ERN1: variants seen among roughly 807,000 people sequenced by gnomAD.
ERN1 encodes the protein endoplasmic reticulum to nucleus signaling 1, also known as serine/threonine-protein kinase/endoribonuclease IRE1.
In ERN1, 39 loss-of-function variants were observed where a neutral mutation model predicts 113.1. The observed-to-expected ratio is 0.34, with a 90% CI of 0.27 to 0.45. ERN1 has a LOEUF of 0.45. Ranked by LOEUF, ERN1 falls within the 20% of genes least tolerant of loss-of-function variation. The probability of loss-of-function intolerance (pLI) is 1.00; values close to 1 mark genes in which losing one functional copy is unlikely to be tolerated. For missense variants in ERN1, 976 were observed against 1,274.8 expected (o/e 0.77, Z 3.57); for synonymous variants, 507 against 515.9 (o/e 0.98, Z 0.23).
Position 64,055,794 on chromosome 17 carries a change from G to A in ERN1, c.1553C>T (p.Ser518Leu). Residue 518 changes from serine (S) to leucine (L), a missense_variant, in exon 13 of 22, where the codon TCA (serine) becomes TTA (leucine). Around this residue, in one of 5 missense-constraint regions of ERN1, gnomAD observed 112 missense variants for 106.2 expected, o/e 1.05. Transcript: ENST00000433197. ...GELLDTSGPY[S>L]ESSGTSSPST... ...GGGGCTGCTGGTGCCCGAGCTCTCTGAGTACGGGCCAGACGTGTCCAGGAG... is the reference window on the plus strand; with the variant it reads ...GGGGCTGCTGGTGCCCGAGCTCTCTAAGTACGGGCCAGACGTGTCCAGGAG... The A allele has an allele frequency of 1.3e-6, 2 of 1,592,918 alleles. No homozygotes were observed. Among genetic ancestry groups the A allele is most frequent in the Non-Finnish European group, 8.5e-7 (1 of 1,170,090 alleles).
chr17:64,113,744 C>T (rs1219765275), intron 1 of ERN1, among the ~76,000 whole-genome samples: 3 of 152,028 alleles, frequency 2.0e-5, no homozygotes, highest in African/African-American at 7.2e-5. Context: ...AGTGCAGTGG[C>T]GTGATCTCGG....
At chr17:64,052,195 T>C (rs1204496344) in intron 17 of ERN1, among the ~76,000 whole-genome samples, 1 of 152,054 alleles carries the variant, frequency 6.6e-6, no homozygotes, top group African/African-American at 2.4e-5. Flanking sequence ...TTCTAAAAAA[T>C]TTTTTTCTTT....
chr17:64,121,805 T>A (rs1207084231), intron 1 of ERN1, among the ~76,000 whole-genome samples: 1 of 152,148 alleles, frequency 6.6e-6, no homozygotes, highest in Non-Finnish European at 1.5e-5. Context: ...TTTTAATCCC[T>A]ACTCTCTCCA....
chr17:64,056,142 A>T (rs1380770097), intron 12 of ERN1, among the ~76,000 whole-genome samples, 194 bp from the exon 13 acceptor site: 1 of 152,180 alleles, frequency 6.6e-6, no homozygotes, highest in East Asian at 1.9e-4. Context: ...CCGACTAGTT[A>T]GATCCTTGCT....
At chr17:64,117,850 T>C (rs907301097) in intron 1 of ERN1, among the ~76,000 whole-genome samples, 54 of 152,210 alleles carry the variant, frequency 3.5e-4, no homozygotes, top group African/African-American at 1.3e-3. Flanking sequence ...TCACATTCTA[T>C]ATAATGTATT....
chr17:64,084,126 C>T (rs961461174), intron 2 of ERN1, among the ~76,000 whole-genome samples: 1 of 152,090 alleles, frequency 6.6e-6, no homozygotes, highest in South Asian at 2.1e-4. Flanking sequence ...CCCACTACTT[C>T]CCACCAACGC....
chr17:64,084,719 T>C lies in ERN1; in HGVS notation c.176-3911A>G, dbSNP rs1913872193. On this transcript the variant is annotated intron_variant, in intron 2 of 21. Coordinates refer to ENST00000433197, the MANE Select transcript of ERN1 (RefSeq NM_001433.5). The stretch of plus-strand genomic sequence containing the variant: ...ATCTCACTCAGTGAAGGCCAGTGTT[T>C]ACACAGTGGTTCATAAATCCCAAGC... 2.0e-5 allele frequency among the ~76,000 whole-genome samples: 3 copies of C among 152,202 alleles called. No individual in the cohort carries two copies. In the South Asian group the frequency reaches 6.2e-4, roughly 31 times the overall value.
chr17:64,045,584 C>T (rs1912488324), intron 19 of ERN1, 102 bp from the exon 20 acceptor site: 1 of 1,498,696 alleles, frequency 6.7e-7, no homozygotes, highest in Non-Finnish European at 9.2e-7. Context: ...CATAAGCCTG[C>T]CCCAGAGCTG....
At chr17:64,085,150 G>A (rs1913885945) in intron 2 of ERN1, among the ~76,000 whole-genome samples, 1 of 152,176 alleles carries the variant, frequency 6.6e-6, no homozygotes, top group South Asian at 2.1e-4. Context: ...TTGCTGAATG[G>A]AGTAATTAAG....
In ERN1 at chr17:64,113,304, T is replaced by C. The variant is rs187787502; in HGVS notation, c.55-15063A>G. ...CCATTGAATGAGATGGATCAGTGGA[T>C]ATTTTAGGATGAGGTTAAAAACATT... On this transcript the variant is annotated intron_variant, in intron 1 of 21. Coordinates refer to ENST00000433197, the MANE Select transcript of ERN1 (RefSeq NM_001433.5). 7.2e-4 allele frequency among the ~76,000 whole-genome samples: 110 copies of C among 152,350 alleles called. No homozygotes were observed. The Middle Eastern group carries it at 0.01, about 14-fold the overall frequency.
chr17:64,079,012 AAAGAG>A (rs367629930), intron 4 of ERN1, among the ~76,000 whole-genome samples: 88 of 152,302 alleles, frequency 5.8e-4, no homozygotes, highest in African/African-American at 2.0e-3. Flanking sequence ...TCTCAAAAGA[AAAGAG>A]AAAAGACAAG....
intron 11 of ERN1, among the ~76,000 whole-genome samples, chr17:64,058,394 C>T (rs773980791): frequency 7.9e-5 from 12 of 152,106 alleles, no homozygotes; most frequent in Admixed American, 7.2e-4. Flanking sequence ...TTTAATAATA[C>T]CATTTCACAT....
intron 8 of ERN1, 126 bp from the exon 9 acceptor site, chr17:64,065,413 C>T (rs889790588): frequency 4.2e-5 from 28 of 664,778 alleles, no homozygotes; most frequent in South Asian, 1.2e-4. Context: ...CATGGAGGAA[C>T]GCAGTAGGGG....
In ERN1 at chr17:64,054,382, G is replaced by A; in HGVS notation, c.1821C>T (p.Ser607=). 1.9e-6 allele frequency: 3 copies of A among 1,603,424 alleles called. No individual in the cohort carries two copies. The Middle Eastern group carries it at 5.0e-4, about 265-fold the overall frequency. Reference sequence around the variant, plus strand: ...ACAGCTGGACCTCACGGTCTGCGAAGCTAAAACACTCGGGGAGGATCCTCT... The same window carrying A: ...ACAGCTGGACCTCACGGTCTGCGAAACTAAAACACTCGGGGAGGATCCTCT... ...AVKRILPECF[S]FADREVQLLR... Residue 607 remains serine, a synonymous_variant, in exon 15 of 22, where the codon AGC becomes AGT. Transcript: ENST00000433197. The surrounding 1 kb of genome is among the most constrained non-coding windows in gnomAD (Gnocchi z 4.9).
At chr17:64,064,520 A>G (rs1375828884) in intron 9 of ERN1, among the ~76,000 whole-genome samples, 1 of 152,248 alleles carries the variant, frequency 6.6e-6, no homozygotes, top group Non-Finnish European at 1.5e-5. Flanking sequence ...CCACACGCCC[A>G]GTGCTGGCTC....
rs1420960649 is a variant in ERN1, at chr17:64,130,111, C to G, written c.-82G>C. The G allele has an allele frequency of 4.2e-5, 51 of 1,220,820 alleles. No homozygotes were observed. The highest frequency in any genetic ancestry group is 5.3e-5 in the Non-Finnish European group (51 of 959,990). The allele number at this position is 1,220,820 out of a possible 1,614,324, so 75.6% of individuals were successfully genotyped here. A position where few individuals can be genotyped will look rare whatever the true frequency, so the allele number is the denominator to read the frequency against. On this transcript the variant is annotated 5_prime_UTR_variant, in exon 1 of 22. Transcript: ENST00000433197. This position sits in a 1 kb window ranked among gnomAD's most constrained non-coding sequence, Gnocchi z 4.0. ...GCCGCGACGACAGCGAGGCGGTGAC[C>G]GAGCCTCAGCGGACGCAGAACTGAC...
chr17:64,095,046 A>G (rs1914191972), intron 2 of ERN1, among the ~76,000 whole-genome samples: 1 of 152,192 alleles, frequency 6.6e-6, no homozygotes. Flanking sequence ...TACCATCTTT[A>G]ATCTTTGTAT....
At chr17:64,090,391 C>T (rs866380155) in intron 2 of ERN1, among the ~76,000 whole-genome samples, 3 of 152,156 alleles carry the variant, frequency 2.0e-5, no homozygotes, top group Non-Finnish European at 2.9e-5. Context: ...TCTACTTTGG[C>T]AGAAGTAACT....
intron 1 of ERN1, among the ~76,000 whole-genome samples, chr17:64,127,852 G>T (rs1474793109): frequency 6.6e-6 from 1 of 151,854 alleles, no homozygotes; most frequent in East Asian, 1.9e-4. Context: ...AGGTTTGTCT[G>T]ATTTTATACC....
Sources: gnomAD v4.1 joint callset for allele counts (sites outside exome capture counted in the v4.1 genomes callset) on GRCh38, gnomAD v4.1.1 for gene constraint, gnomAD v4.1.1 regional missense constraint, Gnocchi (gnomAD v3.1) non-coding constraint, MANE v1.5 for transcripts, NCBI Gene and HGNC (gene_info 2026-07-23, HGNC 2026-07-21) for gene names.